The following FGL2 variants were observed in gnomAD, a reference collection of about 807,000 sequenced individuals.
The protein encoded by FGL2 is fibrinogen like 2.
FGL2 carries 21 observed loss-of-function variants against 36.0 expected under a neutral mutation model. That is an observed-to-expected ratio of 0.58 (90% CI 0.41 to 0.84). The LOEUF is 0.84. Among genes scored for constraint, FGL2 ranks in the 40% least tolerant of loss-of-function variants. The pLI is 0.00. For missense variants in FGL2, 444 were observed against 526.3 expected (o/e 0.84, Z 1.53); for synonymous variants, 183 against 190.7 (o/e 0.96, Z 0.33).
In FGL2 at chr7:77,193,697, T is replaced by TC. The variant is rs1455833685; in HGVS notation, c.*2581dup. ...TTATCAGTAAAATTTGATTTTTTTT[T>TC]CCCCTCAGTCATAGGTAAATCAGCT... On this transcript the variant is annotated 3_prime_UTR_variant, in exon 2 of 2. Coordinates refer to ENST00000248598, the MANE Select transcript of FGL2 (RefSeq NM_006682.3). 8 of 152,104 alleles carry TC rather than the reference T, an allele frequency of 5.3e-5. No individual in the cohort carries two copies. Among genetic ancestry groups the TC allele is most frequent in the African/African-American group, 1.9e-4 (8 of 41,426 alleles). The allele number at this position is 152,104 out of a possible 1,614,324, so 9.4% of individuals were successfully genotyped here.
chr7:77,195,595 A>T lies in FGL2; in HGVS notation c.*684T>A, dbSNP rs920333640. On this transcript the variant is annotated 3_prime_UTR_variant, in exon 2 of 2. Coordinates refer to ENST00000248598, the MANE Select transcript of FGL2 (RefSeq NM_006682.3). ...CCTGAAAAGAGTGATATACCTTCAG[A>T]TGTGCTTAAATCATGGCCCAAATAC... 6.6e-6 allele frequency: 1 copy of T among 152,174 alleles called. No homozygotes were observed. Among genetic ancestry groups the T allele is most frequent in the South Asian group, 2.1e-4 (1 of 4,828 alleles). The allele number at this position is 152,174 out of a possible 1,614,324, so 9.4% of individuals were successfully genotyped here. A position where few individuals can be genotyped will look rare whatever the true frequency, so the allele number is the denominator to read the frequency against.
chr7:77,194,721 T>A lies in FGL2; in HGVS notation c.*1558A>T, dbSNP rs1791833173. 1 of 152,116 alleles carries A rather than the reference T, an allele frequency of 6.6e-6. No individual in the cohort carries two copies. The allele number at this position is 152,116 out of a possible 1,614,324, so 9.4% of individuals were successfully genotyped here. A position where few individuals can be genotyped will look rare whatever the true frequency, so the allele number is the denominator to read the frequency against. On this transcript the variant is annotated 3_prime_UTR_variant, in exon 2 of 2. Coordinates refer to ENST00000248598, the MANE Select transcript of FGL2 (RefSeq NM_006682.3). The stretch of plus-strand genomic sequence containing the variant: ...AACAGACACCAGAAATTAAAAAAAT[T>A]ATTTCTAGGACTGGCATACACTACA...
intron 1 of FGL2, chr7:77,198,895 A>C (rs1791925740): frequency 2.2e-6 from 1 of 459,682 alleles, no homozygotes; most frequent in Non-Finnish European, 3.8e-6. Flanking sequence ...CTAAAACATC[A>C]AGAAATTCTC....
intron 1 of FGL2, among the ~76,000 whole-genome samples, chr7:77,197,567 A>G (rs1193180312): frequency 2.0e-5 from 3 of 152,246 alleles, no homozygotes; most frequent in Non-Finnish European, 4.4e-5. Flanking sequence ...CCTTGCATAC[A>G]GAGGAAGCAC....
Position 77,195,679 on chromosome 7 carries a change from A to G in FGL2, c.*600T>C, listed in dbSNP as rs1791853510. On this transcript the variant is annotated 3_prime_UTR_variant, in exon 2 of 2. Transcript: ENST00000248598. Reference sequence around the variant, plus strand: ...AAATTTTATTATTTTTTTGTTTGAGACAGAGTTTTCTCTGTCACCCATGCT... The same window carrying G: ...AAATTTTATTATTTTTTTGTTTGAGGCAGAGTTTTCTCTGTCACCCATGCT... 1.3e-5 allele frequency: 2 copies of G among 152,092 alleles called. No homozygotes were observed. Among genetic ancestry groups the G allele is most frequent in the Non-Finnish European group, 2.9e-5 (2 of 68,030 alleles). 9.4% of individuals were successfully genotyped at this position (152,092 alleles called of 1,614,324 possible).
Position 77,196,541 on chromosome 7 carries a change from A to G in FGL2, c.1058T>C (p.Leu353Pro). 6.2e-7 allele frequency: 1 copy of G among 1,614,186 alleles called. No individual in the cohort carries two copies. Among genetic ancestry groups the G allele is most frequent in the Non-Finnish European group, 8.5e-7 (1 of 1,180,014 alleles). Reference protein sequence around the residue: ...LRFNKHYNHDLKFFTTPDKDN... With the variant: ...LRFNKHYNHDPKFFTTPDKDN... ...TTTATCTGGAGTGGTGAAAAACTTC[A>G]GATCGTGGTTGTAATGTTTGTTGAA... is the stretch of plus-strand genomic sequence containing the variant. The change falls in exon 2 of 2, where the codon CTG becomes CCG. Residue 353 changes from leucine to proline, a missense_variant. Transcript: ENST00000248598. The surrounding 1 kb of genome is among the most constrained non-coding windows in gnomAD (Gnocchi z 4.2).
rs1399138648 is a variant in FGL2, at chr7:77,199,677, G to A, written c.117C>T (p.Cys39=). Residue 39 remains cysteine (C), a synonymous_variant, in exon 1 of 2, where the codon TGC becomes TGT. Coordinates refer to ENST00000248598, the MANE Select transcript of FGL2 (RefSeq NM_006682.3). ...EIKDERAKDV[C]PVRLESRGKC... is the part of the protein sequence containing the mutation. The stretch of plus-strand genomic sequence containing the variant: ...TCCCTCTGCTTTCTAGTCTCACTGG[G>A]CAGACATCCTTTGCTCTTTCATCTT... The A allele has an allele frequency of 1.9e-6, 3 of 1,614,138 alleles. No homozygotes were observed. The highest frequency in any genetic ancestry group is 2.5e-6 in the Non-Finnish European group (3 of 1,180,016).
At chr7:77,197,027 G>T in intron 1 of FGL2, 42 bp from the exon 2 acceptor site, 1 of 1,197,258 alleles carries the variant, frequency 8.4e-7, no homozygotes, top group Non-Finnish European at 1.2e-6. Flanking sequence ...CTTGTTAATA[G>T]AAACCATGCA....
At position 77,193,536 on chromosome 7, in the gene FGL2, C is replaced by T. The variant is rs929316655; in HGVS notation, c.*2743G>A. On this transcript the variant is annotated 3_prime_UTR_variant, in exon 2 of 2. Transcript: ENST00000248598. Reference sequence around the variant, plus strand: ...GTGATGACATTACTCATAACTTTTACCTTTAAAACCTTTTCTTGGGTAGCT... The same window carrying T: ...GTGATGACATTACTCATAACTTTTATCTTTAAAACCTTTTCTTGGGTAGCT... 4 of 152,154 alleles carry T rather than the reference C, an allele frequency of 2.6e-5. No homozygotes were observed. The highest frequency in any genetic ancestry group is 7.2e-5 in the African/African-American group (3 of 41,436). 9.4% of individuals were successfully genotyped at this position (152,154 alleles called of 1,614,324 possible).
chr7:77,196,394 C>T lies in FGL2; in HGVS notation c.1205G>A (p.Arg402His), dbSNP rs376529141. ...KYYHQKYRGV[R>H]NGIFWGTWPG... ...CCAGGTACCCCAGAAAATCCCATTACGGACACCTCTGTATTTTTGGTGATA... is the reference window on the plus strand; with the variant it reads ...CCAGGTACCCCAGAAAATCCCATTATGGACACCTCTGTATTTTTGGTGATA... Residue 402 changes from arginine to histidine, a missense_variant, in exon 2 of 2, where the codon CGT (arginine) becomes CAT (histidine). Transcript: ENST00000248598. This position sits in a 1 kb window ranked among gnomAD's most constrained non-coding sequence, Gnocchi z 4.2. 19 of 1,614,008 alleles carry T rather than the reference C, an allele frequency of 1.2e-5. No individual in the cohort carries two copies. The highest frequency in any genetic ancestry group is 5.3e-5 in the African/African-American group (4 of 74,930).
In FGL2 at chr7:77,196,414, G is replaced by A; in HGVS notation, c.1185C>T (p.His395=). ...LSANLNGKYY[H]QKYRGVRNGI... is the part of the protein sequence containing the mutation. Reference sequence around the variant, plus strand: ...CATTACGGACACCTCTGTATTTTTGGTGATAATATTTGCCATTTAAGTTTG... The same window carrying A: ...CATTACGGACACCTCTGTATTTTTGATGATAATATTTGCCATTTAAGTTTG... The change falls in exon 2 of 2, where the codon CAC becomes CAT. Residue 395 remains histidine, a synonymous_variant. Coordinates refer to ENST00000248598, the MANE Select transcript of FGL2 (RefSeq NM_006682.3). This position sits in a 1 kb window ranked among gnomAD's most constrained non-coding sequence, Gnocchi z 4.2. The A allele has an allele frequency of 1.2e-6, 2 of 1,614,096 alleles. No homozygotes were observed. The highest frequency in any genetic ancestry group is 8.5e-7 in the Non-Finnish European group (1 of 1,180,012).
chr7:77,198,354 A>G, intron 1 of FGL2: 1 of 979,832 alleles, frequency 1.0e-6, no homozygotes, highest in African/African-American at 1.7e-5. Flanking sequence ...GGCTTTCCAA[A>G]GTATGAGACA....
At position 77,196,987 on chromosome 7, in the gene FGL2, T is replaced by C. The variant is rs555120974; in HGVS notation, c.614-2A>G. On this transcript the variant is annotated splice_acceptor_variant, in intron 1 of 1. Transcript: ENST00000248598. LOFTEE classifies it high-confidence loss of function. This position sits in a 1 kb window ranked among gnomAD's most constrained non-coding sequence, Gnocchi z 4.2. ...AATCTTTATATATTAGATGTTGAACTGAAGGGGAAATAAAAGGAAGGCATT... is the reference window on the plus strand; with the variant it reads ...AATCTTTATATATTAGATGTTGAACCGAAGGGGAAATAAAAGGAAGGCATT... 24 of 1,557,852 alleles carry C rather than the reference T, an allele frequency of 1.5e-5. No individual in the cohort carries two copies. In the African/African-American group the frequency reaches 2.9e-4, roughly 19 times the overall value.
chr7:77,196,853 C>T lies in FGL2; in HGVS notation c.746G>A (p.Gly249Glu), dbSNP rs1791881615. Reference sequence around the variant, plus strand: ...ACGTGCCTGCAGCACTGTCCAGCCTCCCCCCATGGTCTCCATGTCACAGTA... The same window carrying T: ...ACGTGCCTGCAGCACTGTCCAGCCTTCCCCCATGGTCTCCATGTCACAGTA... ...EVYCDMETMG[G>E]GWTVLQARLD... The change falls in exon 2 of 2, where the codon GGA becomes GAA. Residue 249 changes from glycine to glutamate, a missense_variant. Coordinates refer to ENST00000248598, the MANE Select transcript of FGL2 (RefSeq NM_006682.3). This position sits in a 1 kb window ranked among gnomAD's most constrained non-coding sequence, Gnocchi z 4.2. 1 of 1,613,778 alleles carries T rather than the reference C, an allele frequency of 6.2e-7. No individual in the cohort carries two copies. The highest frequency in any genetic ancestry group is 8.5e-7 in the Non-Finnish European group (1 of 1,179,882).
chr7:77,199,069 A>C, intron 1 of FGL2, 112 bp downstream of exon 1: 1 of 919,006 alleles, frequency 1.1e-6, no homozygotes. Context: ...TTGATAAATA[A>C]AAGACTTAAT....
rs749850723 is a variant in FGL2 at position 77,199,748 on chromosome 7, T to C, written c.46A>G (p.Thr16Ala). Reference sequence around the variant, plus strand: ...TTTGCCACAACCAAAAAACCGTAAGTGGCAAGAACAGCTGAGCTCAGCCAG... The same window carrying C: ...TTTGCCACAACCAAAAAACCGTAAGCGGCAAGAACAGCTGAGCTCAGCCAG... ...WYWLSSAVLA[T>A]YGFLVVANNE... The change falls in exon 1 of 2, where the codon ACT becomes GCT. Residue 16 changes from threonine (T) to alanine (A), a missense_variant. Thr to Ala is a moderately conservative substitution (Grantham distance 58). Transcript: ENST00000248598. The C allele has an allele frequency of 7.4e-6, 12 of 1,614,014 alleles. No homozygotes were observed. The highest frequency in any genetic ancestry group is 1.0e-5 in the Non-Finnish European group (12 of 1,180,000).
chr7:77,197,307 A>ATGC (rs1791892811), intron 1 of FGL2, among the ~76,000 whole-genome samples: 1 of 152,266 alleles, frequency 6.6e-6, no homozygotes, highest in Non-Finnish European at 1.5e-5. Flanking sequence ...CGTTCTAGGC[A>ATGC]TGCTGCCAGA....
Position 77,196,178 on chromosome 7 carries a change from T to G in FGL2, c.*101A>C. ...TAAGAACCTAGCCGTCAGACATCAT[T>G]TTTTAGCTATGAAAAATATGAAACA... On this transcript the variant is annotated 3_prime_UTR_variant, in exon 2 of 2. Coordinates refer to ENST00000248598, the MANE Select transcript of FGL2 (RefSeq NM_006682.3). This position sits in a 1 kb window ranked among gnomAD's most constrained non-coding sequence, Gnocchi z 4.2. 1 of 849,296 alleles carries G rather than the reference T, an allele frequency of 1.2e-6. No individual in the cohort carries two copies. 52.6% of individuals were successfully genotyped at this position (849,296 alleles called of 1,614,324 possible). A position where few individuals can be genotyped will look rare whatever the true frequency, so the allele number is the denominator to read the frequency against.
At chr7:77,197,150 G>C (rs1243757674) in intron 1 of FGL2, among the ~76,000 whole-genome samples, 165 bp from the exon 2 acceptor site, 1 of 152,164 alleles carries the variant, frequency 6.6e-6, no homozygotes, top group Non-Finnish European at 1.5e-5. Context: ...GGCCTCACAA[G>C]AAGAACCTAA....
Sources: gnomAD v4.1 joint callset for allele counts (sites outside exome capture counted in the v4.1 genomes callset) on GRCh38, gnomAD v4.1.1 for gene constraint, Gnocchi (gnomAD v3.1) non-coding constraint, MANE v1.5 for transcripts, NCBI Gene and HGNC (gene_info 2026-07-23, HGNC 2026-07-21) for gene names.